Variants in KRT73 observed in about 807,000 individuals in gnomAD.
The protein encoded by KRT73 is keratin 73.
A neutral mutation model predicts 47.2 loss-of-function variants in KRT73; 44 were observed. That is an observed-to-expected ratio of 0.93 (90% CI 0.73 to 1.20). KRT73 has a LOEUF of 1.20. Ranked by LOEUF, KRT73 falls within the 50% of genes most tolerant of loss-of-function variation. KRT73 has a pLI of 0.00. For missense variants in KRT73, 713 were observed against 704.5 expected, an observed-to-expected ratio of 1.01 and a Z score of -0.14; for synonymous variants, 285 against 291.3, an observed-to-expected ratio of 0.98 and a Z score of 0.22.
upstream of KRT73, among the ~76,000 whole-genome samples, chr12:52,618,781 G>A (rs941921049): frequency 5.3e-5 from 8 of 152,368 alleles, no homozygotes; most frequent in African/African-American, 1.7e-4. Flanking sequence ...ATGAACATGT[G>A]TAATTAGCAT....
At chr12:52,629,377 A>G in the KRT73 span, among the ~76,000 whole-genome samples, 70,295 of 152,072 alleles carry the variant, frequency 0.46, 17,367 homozygotes, top group African/African-American at 0.63. Flanking sequence ...CACAGGCAGC[A>G]AGGGCCCTGA....
the KRT73 span, among the ~76,000 whole-genome samples, chr12:52,624,472 G>A: frequency 6.6e-6 from 1 of 151,936 alleles, no homozygotes; most frequent in African/African-American, 2.4e-5. Context: ...CTATTCAAGT[G>A]CCCACAGGAC....
At chr12:52,609,645 A>G (rs1348339166) in intron 7 of KRT73, among the ~76,000 whole-genome samples, 2 of 152,218 alleles carry the variant, frequency 1.3e-5, no homozygotes, top group South Asian at 2.1e-4. Flanking sequence ...AACGAACTGT[A>G]TGATTTTGGG....
the KRT73 span, among the ~76,000 whole-genome samples, chr12:52,627,500 C>T: frequency 2.0e-5 from 3 of 152,154 alleles, no homozygotes; most frequent in African/African-American, 4.8e-5. Context: ...GACCTGCCTT[C>T]CAATACAACA....
the KRT73 span, among the ~76,000 whole-genome samples, chr12:52,623,874 T>C: frequency 3.3e-5 from 5 of 151,934 alleles, no homozygotes; most frequent in Non-Finnish European, 5.9e-5. Flanking sequence ...TTCTTAAAAA[T>C]GTTCAAGTAA....
chr12:52,628,116 C>T, the KRT73 span, among the ~76,000 whole-genome samples: 1 of 152,090 alleles, frequency 6.6e-6, no homozygotes, highest in Admixed American at 6.5e-5. Context: ...TGCAAGATCT[C>T]CTTCATAAAC....
At position 52,609,894 on chromosome 12, in the gene KRT73, A is replaced by G. The variant is rs1321464309; in HGVS notation, c.1332-613T>C. 3 of 153,288 alleles carry G rather than the reference A, an allele frequency of 2.0e-5. No individual in the cohort carries two copies. In the East Asian group the frequency reaches 5.8e-4, roughly 29 times the overall value. 9.5% of individuals were successfully genotyped at this position (153,288 alleles called of 1,614,324 possible). On this transcript the variant is annotated intron_variant, in intron 7 of 8. Transcript: ENST00000305748. ...GAAACCAGTATTATTACCTAACCAA[A>G]TAAGAAAAAAAGTAGCAGTAAAAAT...
At chr12:52,621,293 G>C (rs202211957), upstream of KRT73, among the ~76,000 whole-genome samples, 9 of 128,170 alleles carry the variant, frequency 7.0e-5, 1 homozygote, top group South Asian at 2.8e-4. Context: ...GAAAGAAAGG[G>C]GGGGGGGGGG....
intron 1 of KRT73, among the ~76,000 whole-genome samples, chr12:52,616,796 G>C (rs1025158840): frequency 6.6e-6 from 1 of 152,136 alleles, no homozygotes; most frequent in Non-Finnish European, 1.5e-5. Context: ...CCCGTGCTCT[G>C]CCTAGTCTCT....
upstream of KRT73, among the ~76,000 whole-genome samples, chr12:52,621,086 T>C (rs1940896972): frequency 6.6e-6 from 1 of 152,112 alleles, no homozygotes; most frequent in South Asian, 2.1e-4. Context: ...GCACCTGTCA[T>C]TGAAATGCCT....
chr12:52,608,412 C>A lies in KRT73; in HGVS notation c.1407G>T (p.Gly469=), dbSNP rs1293947192. The A allele has an allele frequency of 6.2e-7, 1 of 1,612,016 alleles. No individual in the cohort carries two copies. Among genetic ancestry groups the A allele is most frequent in the East Asian group, 2.2e-5 (1 of 44,888 alleles). ...CAGCATTGCTGAATCCAAAGCCAGC[C>A]CCTGTGCCTGCCATCCCGGCCATGG... ...NSSMAGMAGT[G]AGFGFSNAGT... is the part of the protein sequence containing the mutation. Residue 469 remains glycine (G), a synonymous_variant, in exon 9 of 9, where the codon GGG becomes GGT. Transcript: ENST00000305748.
At chr12:52,627,898 T>G in the KRT73 span, among the ~76,000 whole-genome samples, 1 of 146,496 alleles carries the variant, frequency 6.8e-6, no homozygotes, top group Non-Finnish European at 1.5e-5. Flanking sequence ...TAGAACAGAA[T>G]GAACATGTGT....
chr12:52,613,332 G>A (rs941782162), intron 5 of KRT73: 1 of 190,976 alleles, frequency 5.2e-6, no homozygotes, highest in African/African-American at 2.3e-5. Context: ...ATGATAATTA[G>A]CGGGGGAGTT....
rs1348751328 is a variant in KRT73 at position 52,608,459 on chromosome 12, A to G, written c.1367-7T>C. On this transcript the variant is annotated splice_polypyrimidine_tract_variant and splice_region_variant and intron_variant, in intron 8 of 8. Coordinates refer to ENST00000305748, the MANE Select transcript of KRT73 (RefSeq NM_175068.3). ...ATGGAGCTGTTGATGACCGCTGCAG[A>G]GGAGGGAGGGACGAGTGATCAGTGT... 1.2e-6 allele frequency: 2 copies of G among 1,604,218 alleles called. No individual in the cohort carries two copies. The highest frequency in any genetic ancestry group is 2.7e-5 in the African/African-American group (2 of 74,812).
intron 5 of KRT73, 107 bp downstream of exon 5, chr12:52,613,581 T>G: frequency 1.9e-6 from 3 of 1,548,788 alleles, no homozygotes; most frequent in Non-Finnish European, 2.6e-6. Flanking sequence ...GAGAGTGCTG[T>G]GCTCCCAGCA....
the KRT73 span, among the ~76,000 whole-genome samples, chr12:52,623,595 A>T: frequency 6.6e-6 from 1 of 152,182 alleles, no homozygotes; most frequent in African/African-American, 2.4e-5. Flanking sequence ...CCTTCTCTTG[A>T]ATTTCCTATA....
At chr12:52,610,062 C>CTGTT (rs61285190) in intron 7 of KRT73, 16,384 of 158,482 alleles carry the variant, frequency 0.1, 1,040 homozygotes, top group African/African-American at 0.18. Flanking sequence ...TGTGTTTTGT[C>CTGTT]TGTTTGTTTG....
At chr12:52,615,376 C>A in intron 2 of KRT73, 37 bp from the exon 3 acceptor site, 1 of 1,547,442 alleles carries the variant, frequency 6.5e-7, no homozygotes, top group South Asian at 1.1e-5. Context: ...GAGTGTGTGT[C>A]TGTGTGTGTG....
upstream of KRT73, among the ~76,000 whole-genome samples, chr12:52,620,752 G>A (rs898539737): frequency 1.1e-4 from 17 of 152,008 alleles, no homozygotes; most frequent in African/African-American, 3.9e-4. Flanking sequence ...AGGCACTTCC[G>A]GAAACCTTCT....
Sources: gnomAD v4.1 joint callset for allele counts (sites outside exome capture counted in the v4.1 genomes callset) on GRCh38, gnomAD v4.1.1 for gene constraint, MANE v1.5 for transcripts, NCBI Gene and HGNC (gene_info 2026-07-23, HGNC 2026-07-21) for gene names.